Variants in RORA observed in about 807,000 individuals in gnomAD.
RORA encodes the protein nuclear receptor ROR-alpha.
A neutral mutation model predicts 69.5 loss-of-function variants in RORA; 7 were observed. The observed-to-expected ratio is 0.10, with a 90% CI of 0.06 to 0.19. The LOEUF is 0.19. Among genes scored for constraint, RORA ranks in the 10% least tolerant of loss-of-function variants. RORA has a pLI of 1.00. For synonymous variants in RORA, 261 were observed against 240.8 expected (o/e 1.08, Z -0.78); for missense variants, 457 against 663.0 (o/e 0.69, Z 3.41).
rs1407362794 is a variant in RORA at position 60,491,333 on chromosome 15, A to G, written c.*6122T>C. 6.6e-6 allele frequency: 1 copy of G among 152,190 alleles called. No homozygotes were observed. Among genetic ancestry groups the G allele is most frequent in the African/African-American group, 2.4e-5 (1 of 41,452 alleles). 9.4% of individuals were successfully genotyped at this position (152,190 alleles called of 1,614,324 possible). A position where few individuals can be genotyped will look rare whatever the true frequency, so the allele number is the denominator to read the frequency against. On this transcript the variant is annotated 3_prime_UTR_variant, in exon 11 of 11. Transcript: ENST00000335670. Reference sequence around the variant, plus strand: ...TGGCATGTGCAACATGTCAAAGCTAATAGCAAGCTATCTTTCATTAGTTCT... The same window carrying G: ...TGGCATGTGCAACATGTCAAAGCTAGTAGCAAGCTATCTTTCATTAGTTCT...
At chr15:61,024,028 G>T (rs1895673945) in intron 1 of RORA, among the ~76,000 whole-genome samples, 1 of 152,124 alleles carries the variant, frequency 6.6e-6, no homozygotes, top group Admixed American at 6.5e-5. Flanking sequence ...ATGAACGAGT[G>T]TTGGGAGTTG....
At chr15:60,695,735 C>A (rs1035475551) in intron 1 of RORA, among the ~76,000 whole-genome samples, 3 of 152,142 alleles carry the variant, frequency 2.0e-5, no homozygotes, top group African/African-American at 7.2e-5. Flanking sequence ...CTCGCGCCCC[C>A]ACGTCCCCAC....
At chr15:61,082,026 A>G (rs1031220006) in intron 1 of RORA, among the ~76,000 whole-genome samples, 1 of 152,142 alleles carries the variant, frequency 6.6e-6, no homozygotes, top group Non-Finnish European at 1.5e-5. Flanking sequence ...ACATGGGGAT[A>G]CTACACAGTC....
intron 10 of RORA, among the ~76,000 whole-genome samples, chr15:60,498,621 C>G (rs942284404): frequency 6.6e-6 from 1 of 152,092 alleles, no homozygotes; most frequent in Non-Finnish European, 1.5e-5. Flanking sequence ...CCAGAATAAC[C>G]TTCTCTAGGA....
At chr15:61,095,586 G>A (rs577937895) in intron 1 of RORA, among the ~76,000 whole-genome samples, 1 of 152,356 alleles carries the variant, frequency 6.6e-6, no homozygotes, top group East Asian at 1.9e-4. Flanking sequence ...ATCTTATGGA[G>A]AATGAGGTTG....
At chr15:60,674,086 C>A (rs1269556588) in intron 2 of RORA, among the ~76,000 whole-genome samples, 1 of 152,192 alleles carries the variant, frequency 6.6e-6, no homozygotes, top group Non-Finnish European at 1.5e-5. Context: ...TAATGGAACA[C>A]CCTGCCAGCA....
intron 2 of RORA, among the ~76,000 whole-genome samples, chr15:60,573,874 C>T (rs547064402): frequency 6.6e-6 from 1 of 152,348 alleles, no homozygotes; most frequent in East Asian, 1.9e-4. Context: ...ACCTTGGGCC[C>T]TCCCTGGCCT....
chr15:60,692,830 C>T (rs1297672136), intron 1 of RORA, among the ~76,000 whole-genome samples: 1 of 152,096 alleles, frequency 6.6e-6, no homozygotes, highest in Non-Finnish European at 1.5e-5. Context: ...CAAAAGAAAG[C>T]CCAGGACCAG....
intron 2 of RORA, among the ~76,000 whole-genome samples, chr15:60,577,039 T>C (rs1475825062): frequency 6.6e-6 from 1 of 152,206 alleles, no homozygotes; most frequent in Non-Finnish European, 1.5e-5. Flanking sequence ...GTCTTTGCTA[T>C]ATTAATAAAA....
intron 1 of RORA, among the ~76,000 whole-genome samples, chr15:60,811,327 G>C (rs2140367517): frequency 6.6e-6 from 1 of 152,334 alleles, no homozygotes; most frequent in East Asian, 1.9e-4. Context: ...TGGGTTCTGT[G>C]ATAATCTGGG....
At chr15:61,202,921 C>T (rs2079908566) in intron 1 of RORA, among the ~76,000 whole-genome samples, 1 of 152,146 alleles carries the variant, frequency 6.6e-6, no homozygotes, top group Admixed American at 6.5e-5. Context: ...AAACACAGTA[C>T]TCAGTGAGAA....
At chr15:60,718,395 A>G (rs1255845677) in intron 1 of RORA, among the ~76,000 whole-genome samples, 2 of 152,178 alleles carry the variant, frequency 1.3e-5, no homozygotes, top group African/African-American at 2.4e-5. Context: ...AGTTAAAGAC[A>G]TTCACTTAGA....
In RORA at chr15:60,687,114, G is replaced by A. The variant is rs8041199; in HGVS notation, c.167-8428C>T. Among the ~76,000 whole-genome samples the A allele has an allele frequency of 2.5e-3, 375 of 152,286 alleles. 3 individuals are homozygous for A. The highest frequency in any genetic ancestry group is 8.5e-3 in the African/African-American group (355 of 41,554). ...TCACTCATGTCTTGAATCACCTAGA[G>A]AAGAGAGGGAATCTGCCAAAGTGGA... On this transcript the variant is annotated intron_variant, in intron 1 of 10. Transcript: ENST00000335670.
At chr15:60,712,428 T>C (rs898450333) in intron 1 of RORA, among the ~76,000 whole-genome samples, 2 of 152,166 alleles carry the variant, frequency 1.3e-5, no homozygotes, top group Non-Finnish European at 2.9e-5. Context: ...CTGGTCAACA[T>C]AACCCACAGC....
Position 60,676,112 on chromosome 15 carries a change from T to TA in RORA, c.196+2544dup, listed in dbSNP as rs35553925. Among the ~76,000 whole-genome samples, 342 of 150,952 alleles carry TA rather than the reference T, an allele frequency of 2.3e-3. 2 individuals are homozygous for TA. Among genetic ancestry groups the TA allele is most frequent in the Non-Finnish European group, 3.4e-3 (229 of 67,638 alleles). On this transcript the variant is annotated intron_variant, in intron 2 of 10. Transcript: ENST00000335670. ...TAAGAGGAGCTGGAATTTAACATCTTAAAAAAAAACGTATAGGCAAGTTAG... is the reference window on the plus strand; with the variant it reads ...TAAGAGGAGCTGGAATTTAACATCTTAAAAAAAAAACGTATAGGCAAGTTAG...
intron 1 of RORA, among the ~76,000 whole-genome samples, chr15:61,092,298 C>A (rs1396296681): frequency 6.6e-6 from 1 of 152,094 alleles, no homozygotes; most frequent in Non-Finnish European, 1.5e-5. Context: ...TGAAATAAAA[C>A]TGAAACTAAG....
chr15:60,773,746 T>C (rs1233117580), intron 1 of RORA, among the ~76,000 whole-genome samples: 2 of 152,038 alleles, frequency 1.3e-5, no homozygotes, highest in East Asian at 3.9e-4. Context: ...ACTGAATTGA[T>C]ACGCACATAA....
rs142090724 is a variant in RORA, at chr15:60,596,656, G to T, written c.197-64805C>A. On this transcript the variant is annotated intron_variant, in intron 2 of 10. Coordinates refer to ENST00000335670, the MANE Select transcript of RORA (RefSeq NM_134261.3). ...GAACACTTACAAATGGAGTAACACT[G>T]GTGAGACCCAGAAGCCAACAGTAAG... 3.3e-5 allele frequency among the ~76,000 whole-genome samples: 5 copies of T among 152,244 alleles called. No individual in the cohort carries two copies. In the East Asian group the frequency reaches 5.8e-4, roughly 18 times the overall value.
Position 60,534,694 on chromosome 15 carries a change from G to C in RORA, c.197-2843C>G, listed in dbSNP as rs553673775. Reference sequence around the variant, plus strand: ...CCTGCTTGGTTCTCTTATCTCAGATGACAATTTCAGTTGCAAATGCACTTT... The same window carrying C: ...CCTGCTTGGTTCTCTTATCTCAGATCACAATTTCAGTTGCAAATGCACTTT... On this transcript the variant is annotated intron_variant, in intron 2 of 10. Coordinates refer to ENST00000335670, the MANE Select transcript of RORA (RefSeq NM_134261.3). This position sits in a 1 kb window ranked among gnomAD's most constrained non-coding sequence, Gnocchi z 5.0. 3.2e-4 allele frequency among the ~76,000 whole-genome samples: 48 copies of C among 152,186 alleles called. No homozygotes were observed. Among genetic ancestry groups the C allele is most frequent in the African/African-American group, 1.2e-3 (48 of 41,512 alleles).
Sources: gnomAD v4.1 joint callset for allele counts (sites outside exome capture counted in the v4.1 genomes callset) on GRCh38, gnomAD v4.1.1 for gene constraint, Gnocchi (gnomAD v3.1) non-coding constraint, MANE v1.5 for transcripts, NCBI Gene and HGNC (gene_info 2026-07-23, HGNC 2026-07-21) for gene names.